TGFBR3: variants seen among roughly 807,000 people sequenced by gnomAD.
TGFBR3 encodes transforming growth factor beta receptor 3, also known as transforming growth factor beta receptor type 3.
Under a neutral mutation model 87.9 loss-of-function variants are expected in TGFBR3, and 46 were observed. The observed-to-expected ratio is 0.52, with a 90% CI of 0.41 to 0.67. The LOEUF is 0.67. TGFBR3 is among the 30% of genes least tolerant of loss of function. The pLI, the probability that TGFBR3 is intolerant of heterozygous loss-of-function variation, is 0.00. For synonymous variants in TGFBR3, 381 were observed against 391.6 expected (o/e 0.97, Z 0.32); for missense variants, 866 against 1,041.9 (o/e 0.83, Z 2.32).
intron 14 of TGFBR3, among the ~76,000 whole-genome samples, chr1:91,701,247 G>T (rs570396013): frequency 6.6e-6 from 1 of 152,000 alleles, no homozygotes; most frequent in East Asian, 2.0e-4. Flanking sequence ...GTCTCTTCGT[G>T]ATTTCTGAGC....
chr1:91,835,339 A>G (rs1344030208), intron 2 of TGFBR3, among the ~76,000 whole-genome samples: 1 of 152,236 alleles, frequency 6.6e-6, no homozygotes, highest in Non-Finnish European at 1.5e-5. Flanking sequence ...AATTCTATGT[A>G]GCTCTACAAG....
chr1:91,870,787 A>G (rs958360103), intron 1 of TGFBR3, among the ~76,000 whole-genome samples: 4 of 152,230 alleles, frequency 2.6e-5, no homozygotes, highest in East Asian at 3.8e-4. Context: ...CCTTGAAGCC[A>G]GGAGTTCATG....
intron 2 of TGFBR3, among the ~76,000 whole-genome samples, chr1:91,822,716 T>C (rs1676494825): frequency 6.6e-6 from 1 of 152,086 alleles, no homozygotes; most frequent in African/African-American, 2.4e-5. Flanking sequence ...CACTTGAGTC[T>C]AGGAGTTCGA....
At chr1:91,823,169 G>C (rs1446915645) in intron 2 of TGFBR3, among the ~76,000 whole-genome samples, 1 of 151,996 alleles carries the variant, frequency 6.6e-6, no homozygotes, top group Non-Finnish European at 1.5e-5. Context: ...CTCAAAGAAG[G>C]GGAAGATGAG....
At chr1:91,690,486 C>G (rs1671228877) in intron 16 of TGFBR3, among the ~76,000 whole-genome samples, 1 of 152,034 alleles carries the variant, frequency 6.6e-6, no homozygotes, top group Non-Finnish European at 1.5e-5. Flanking sequence ...GCCAGATGGC[C>G]TTGCCTCATC....
intron 13 of TGFBR3, among the ~76,000 whole-genome samples, chr1:91,709,732 T>A (rs1671917880): frequency 6.6e-6 from 1 of 152,168 alleles, no homozygotes; most frequent in Non-Finnish European, 1.5e-5. Context: ...ATAACTTTGT[T>A]TTCTTGTCTA....
In TGFBR3 at chr1:91,739,769, T is replaced by A. The variant is rs1303436673; in HGVS notation, c.385-4810A>T. On this transcript the variant is annotated intron_variant, in intron 4 of 16. Transcript: ENST00000212355. ...CTGGGTAATTTACAAAGAAAAGAGG[T>A]TTAATTGGCTCATGGTTCCACAGGC... Among the ~76,000 whole-genome samples, 8 of 151,994 alleles carry A rather than the reference T, an allele frequency of 5.3e-5. No homozygotes were observed. In the East Asian group the frequency reaches 1.5e-3, roughly 29 times the overall value.
At chr1:91,891,061 C>A (rs928075231), upstream of TGFBR3, among the ~76,000 whole-genome samples, 3 of 151,850 alleles carry the variant, frequency 2.0e-5, no homozygotes, top group African/African-American at 7.3e-5. Flanking sequence ...CCACGCCTGG[C>A]TAATTTTTGT....
intron 1 of TGFBR3, among the ~76,000 whole-genome samples, chr1:91,900,246 T>C (rs1292355749): frequency 6.6e-6 from 1 of 152,254 alleles, no homozygotes; most frequent in East Asian, 1.9e-4. Flanking sequence ...CCCGAGTACC[T>C]GGGACTACAG....
chr1:91,720,656 G>A (rs1672335914), intron 8 of TGFBR3, among the ~76,000 whole-genome samples: 1 of 152,200 alleles, frequency 6.6e-6, no homozygotes, highest in South Asian at 2.1e-4. Context: ...TAACTGCAAT[G>A]TGCACCTAAG....
intron 5 of TGFBR3, among the ~76,000 whole-genome samples, chr1:91,732,495 G>C (rs984028288): frequency 3.3e-5 from 5 of 152,192 alleles, no homozygotes; most frequent in African/African-American, 1.2e-4. Flanking sequence ...GCTCGGGTTA[G>C]AGCAACCAGG....
chr1:91,847,603 C>CAAAAAAA (rs57534144), intron 2 of TGFBR3, among the ~76,000 whole-genome samples: 1 of 88,278 alleles, frequency 1.1e-5, no homozygotes, highest in Non-Finnish European at 2.3e-5. Context: ...AACTCCATCT[C>CAAAAAAA]AAAAAAAAAA....
At chr1:91,817,604 C>T (rs369236404) in intron 2 of TGFBR3, among the ~76,000 whole-genome samples, 33 of 152,322 alleles carry the variant, frequency 2.2e-4, no homozygotes, top group East Asian at 1.7e-3. Flanking sequence ...CCTCCCACTG[C>T]TTTTAATTGC....
chr1:91,854,729 T>C (rs1571575732), intron 2 of TGFBR3, among the ~76,000 whole-genome samples: 2 of 152,314 alleles, frequency 1.3e-5, no homozygotes, highest in African/African-American at 4.8e-5. Context: ...ACAATTTTTA[T>C]TTGTCAAGAG....
intron 12 of TGFBR3, among the ~76,000 whole-genome samples, chr1:91,714,799 C>T (rs1017756081): frequency 1.3e-5 from 2 of 152,204 alleles, no homozygotes; most frequent in Non-Finnish European, 2.9e-5. Flanking sequence ...AAGAGAAAAA[C>T]AGCCATCTTG....
upstream of TGFBR3, among the ~76,000 whole-genome samples, chr1:91,890,254 T>C (rs1454357287): frequency 6.6e-6 from 1 of 152,034 alleles, no homozygotes; most frequent in African/African-American, 2.4e-5. Context: ...CTCCTGTAGG[T>C]GTGGACTCAC....
At chr1:91,840,440 CAT>C (rs1677227450) in intron 2 of TGFBR3, among the ~76,000 whole-genome samples, 1 of 143,512 alleles carries the variant, frequency 7.0e-6, no homozygotes, top group African/African-American at 2.6e-5. Flanking sequence ...TTTGTAATAT[CAT>C]GCATGATTTT....
chr1:91,777,493 A>C (rs1170794654), intron 3 of TGFBR3, among the ~76,000 whole-genome samples: 1 of 151,782 alleles, frequency 6.6e-6, no homozygotes, highest in African/African-American at 2.4e-5. Context: ...CCCATTTCAA[A>C]CCTTTCCAAT....
At chr1:91,727,544 G>C in intron 7 of TGFBR3, 115 bp downstream of exon 7, 1 of 1,349,888 alleles carries the variant, frequency 7.4e-7, no homozygotes, top group Non-Finnish European at 1.0e-6. Context: ...AAAAATAATT[G>C]ACAGAGCTTA....
Sources: gnomAD v4.1 joint callset for allele counts (sites outside exome capture counted in the v4.1 genomes callset) on GRCh38, gnomAD v4.1.1 for gene constraint, MANE v1.5 for transcripts, NCBI Gene and HGNC (gene_info 2026-07-23, HGNC 2026-07-21) for gene names.